Variants in PCDHA1 observed in about 807,000 individuals in gnomAD.
PCDHA1 encodes the protein protocadherin alpha-1.
Under a neutral mutation model 61.3 loss-of-function variants are expected in PCDHA1, and 42 were observed. The observed-to-expected ratio is 0.69, with a 90% CI of 0.54 to 0.89. The LOEUF (loss-of-function observed/expected upper bound fraction) is 0.89, where lower values mean the gene tolerates loss of function less well. PCDHA1 is among the 40% of genes least tolerant of loss of function. PCDHA1 has a pLI of 0.00. For missense variants in PCDHA1, 1,256 were observed against 1,235.3 expected, an observed-to-expected ratio of 1.02 and a Z score of -0.25; for synonymous variants, 610 against 553.8, an observed-to-expected ratio of 1.10 and a Z score of -1.43.
At chr5:140,966,097 C>T (rs1215509140) in intron 1 of PCDHA1, 2 of 154,754 alleles carry the variant, frequency 1.3e-5, no homozygotes, top group Non-Finnish European at 2.9e-5. Flanking sequence ...GTTAGATCCG[C>T]CGCCTGGGTG....
chr5:140,965,690 T>G (rs1203632136), intron 1 of PCDHA1, among the ~76,000 whole-genome samples: 2 of 152,172 alleles, frequency 1.3e-5, no homozygotes, highest in Admixed American at 1.3e-4. Context: ...TGAAGCAAGA[T>G]TAGAAAAAGC....
intron 1 of PCDHA1, chr5:140,842,530 T>C: frequency 6.2e-7 from 1 of 1,613,064 alleles, no homozygotes; most frequent in South Asian, 1.1e-5. Flanking sequence ...CCTTCAAGAA[T>C]TACTACTCGT....
chr5:140,874,141 T>C (rs1554167053), intron 1 of PCDHA1, among the ~76,000 whole-genome samples: 1 of 152,248 alleles, frequency 6.6e-6, no homozygotes, highest in South Asian at 2.1e-4. Context: ...TATCTTATAC[T>C]TGTAGAGCCA....
intron 3 of PCDHA1, chr5:140,989,125 T>G (rs2097330563): frequency 6.6e-6 from 1 of 152,152 alleles, no homozygotes; most frequent in Non-Finnish European, 1.5e-5. Context: ...CTTAGAAAAA[T>G]AAGACACTTT....
At chr5:140,883,388 G>T (rs2059587175) in intron 1 of PCDHA1, 2 of 1,614,164 alleles carry the variant, frequency 1.2e-6, no homozygotes, top group Non-Finnish European at 1.7e-6. Context: ...CCTAATCAGT[G>T]TGTCCGATCG....
chr5:141,000,417 ATATATTTTTTT>A (rs2097924314), intron 3 of PCDHA1, among the ~76,000 whole-genome samples: 12 of 77,748 alleles, frequency 1.5e-4, no homozygotes, highest in Non-Finnish European at 2.3e-4. Flanking sequence ...ATATATATAT[ATATATTTTTTT>A]TTTTTTTTTT....
At chr5:140,928,000 G>T (rs2084855141) in intron 1 of PCDHA1, 1 of 1,614,166 alleles carries the variant, frequency 6.2e-7, no homozygotes, top group Non-Finnish European at 8.5e-7. Context: ...TGAAGACCTC[G>T]ATTCTAATGG....
chr5:140,924,293 C>T (rs2081770008), intron 1 of PCDHA1, among the ~76,000 whole-genome samples: 1 of 152,192 alleles, frequency 6.6e-6, no homozygotes, highest in African/African-American at 2.4e-5. Context: ...AATAGGCTGA[C>T]ATGTTTCCTC....
intron 1 of PCDHA1, among the ~76,000 whole-genome samples, chr5:140,896,760 T>C (rs562641955): frequency 1.3e-5 from 2 of 152,340 alleles, no homozygotes; most frequent in East Asian, 3.9e-4. Flanking sequence ...ATTAGACCTT[T>C]GTTGGATGCA....
chr5:140,842,142 A>G (rs2150330261), intron 1 of PCDHA1: 7 of 1,613,746 alleles, frequency 4.3e-6, no homozygotes, highest in Middle Eastern at 1.6e-4. Context: ...GAAGGAGCCA[A>G]TGGGGCAATT....
rs1490368496 is a variant in PCDHA1, at chr5:140,848,582, C to T, written c.2394+59898C>T. ...TCGCAATGTGGGTGGTGGGGAGCGG[C>T]CAGCTCCACTACTCCGTCCCGGAGG... is the stretch of plus-strand genomic sequence containing the variant. On this transcript the variant is annotated intron_variant, in intron 1 of 3. Transcript: ENST00000504120. 1.7e-5 allele frequency: 27 copies of T among 1,595,002 alleles called. 2 individuals carry two copies. Among genetic ancestry groups the T allele is most frequent in the African/African-American group, 6.7e-5 (5 of 74,374 alleles).
intron 1 of PCDHA1, among the ~76,000 whole-genome samples, chr5:140,922,046 A>C (rs1388720677): frequency 6.6e-6 from 1 of 152,150 alleles, no homozygotes; most frequent in Non-Finnish European, 1.5e-5. Flanking sequence ...TTTCCCACAT[A>C]CCTTCAAAAT....
At chr5:140,996,226 G>C (rs2097717630) in intron 3 of PCDHA1, among the ~76,000 whole-genome samples, 1 of 152,196 alleles carries the variant, frequency 6.6e-6, no homozygotes, top group South Asian at 2.1e-4. Context: ...GTCTAGAAAT[G>C]GTTGCTCAAG....
At chr5:140,799,153 T>C (rs1762397667) in intron 1 of PCDHA1, among the ~76,000 whole-genome samples, 1 of 152,126 alleles carries the variant, frequency 6.6e-6, no homozygotes, top group Admixed American at 6.5e-5. Flanking sequence ...GACATCTAGG[T>C]GGTAGTAGAA....
At chr5:140,974,350 C>T (rs555781549) in intron 1 of PCDHA1, among the ~76,000 whole-genome samples, 1 of 152,304 alleles carries the variant, frequency 6.6e-6, no homozygotes, top group South Asian at 2.1e-4. Flanking sequence ...GCATCCAGAA[C>T]TAAACAGACC....
intron 1 of PCDHA1, chr5:140,807,057 T>C: frequency 4.6e-6 from 5 of 1,093,648 alleles, no homozygotes; most frequent in Non-Finnish European, 6.6e-6. Context: ...CTATTCTTAC[T>C]GGAAGGAACC....
intron 1 of PCDHA1, chr5:140,827,876 G>A (rs902011633): frequency 7.7e-6 from 5 of 646,162 alleles, no homozygotes; most frequent in Admixed American, 2.9e-5. Context: ...GCACTGTTAC[G>A]TGAATTGATT....
intron 3 of PCDHA1, among the ~76,000 whole-genome samples, chr5:140,984,164 A>T (rs1471799520): frequency 6.6e-6 from 1 of 152,208 alleles, no homozygotes; most frequent in African/African-American, 2.4e-5. Flanking sequence ...GAACTTCCCA[A>T]AGAAGCCACG....
intron 1 of PCDHA1, among the ~76,000 whole-genome samples, chr5:140,920,166 A>G (rs539079245): frequency 2.2e-4 from 34 of 152,328 alleles, no homozygotes; most frequent in African/African-American, 7.9e-4. Flanking sequence ...AACTGTCTTA[A>G]GCAACCCAGT....
Sources: allele counts gnomAD v4.1 joint callset (sites outside exome capture counted in the v4.1 genomes callset), GRCh38; gene constraint gnomAD v4.1.1; transcripts MANE v1.5; gene names NCBI Gene and HGNC (gene_info 2026-07-23, HGNC 2026-07-21).